TMEM63C: variants seen among roughly 807,000 people sequenced by gnomAD.
The protein encoded by TMEM63C is osmosensitive cation channel TMEM63C.
In TMEM63C, 32 loss-of-function variants were observed where a neutral mutation model predicts 99.2. That is an observed-to-expected ratio of 0.32 (90% CI 0.24 to 0.43). The LOEUF (loss-of-function observed/expected upper bound fraction) is 0.43, where lower values mean the gene tolerates loss of function less well. Ranked by LOEUF, TMEM63C falls within the 20% of genes least tolerant of loss-of-function variation. The probability of loss-of-function intolerance (pLI) is 1.00; values close to 1 mark genes in which losing one functional copy is unlikely to be tolerated. For synonymous variants in TMEM63C, 376 were observed against 397.9 expected (o/e 0.94, Z 0.66); for missense variants, 826 against 1,053.0 (o/e 0.78, Z 2.98).
chr14:77,212,064 T>C (rs926863942), intron 1 of TMEM63C, among the ~76,000 whole-genome samples: 1 of 151,518 alleles, frequency 6.6e-6, no homozygotes, highest in Non-Finnish European at 1.5e-5. Context: ...GAAGGAGGAG[T>C]GTAGGGACTG....
chr14:77,238,589 C>T, intron 9 of TMEM63C, 105 bp from the exon 10 acceptor site: 1 of 878,910 alleles, frequency 1.1e-6, no homozygotes, highest in Non-Finnish European at 1.8e-6. Context: ...GCATCAGCAG[C>T]CTGCTGTGAG....
intron 9 of TMEM63C, among the ~76,000 whole-genome samples, chr14:77,238,490 G>A (rs560940541): frequency 3.9e-5 from 6 of 152,300 alleles, no homozygotes; most frequent in South Asian, 4.1e-4. Flanking sequence ...CAGCTGGGAC[G>A]CTGTGGGCTA....
At chr14:77,210,114 G>T (rs756487279) in intron 1 of TMEM63C, among the ~76,000 whole-genome samples, 1 of 152,166 alleles carries the variant, frequency 6.6e-6, no homozygotes. Context: ...GGATCATCAA[G>T]AACTCCTTCT....
intron 1 of TMEM63C, among the ~76,000 whole-genome samples, chr14:77,197,536 G>C (rs558178641): frequency 1.1e-4 from 16 of 152,348 alleles, no homozygotes; most frequent in African/African-American, 3.1e-4. Context: ...TAGTACCCTA[G>C]GGTGAAGATT....
Position 77,194,543 on chromosome 14 carries a change from TTC to T in TMEM63C, c.-77+12651_-77+12652del, listed in dbSNP as rs1555346141. 8.9e-3 allele frequency among the ~76,000 whole-genome samples: 203 copies of T among 22,854 alleles called. 8 individuals carry two copies. Among genetic ancestry groups the T allele is most frequent in the East Asian group, 0.033 (28 of 854 alleles). The allele number at this position is 22,854 out of a possible 152,430, so 15.0% of individuals were successfully genotyped here. A position where few individuals can be genotyped will look rare whatever the true frequency, so the allele number is the denominator to read the frequency against. On this transcript the variant is annotated intron_variant, in intron 1 of 23. Transcript: ENST00000298351. Reference sequence around the variant, plus strand: ...TTTCTTTCTTTCTTTCTTTCTTTCTTTCTTTCTTTCTCTTTCTTTCTTTCTGT... The same window carrying T: ...TTTCTTTCTTTCTTTCTTTCTTTCTTTTTCTTTCTCTTTCTTTCTTTCTGT...
chr14:77,219,045 A>G, intron 3 of TMEM63C, 82 bp downstream of exon 3: 1 of 1,364,318 alleles, frequency 7.3e-7, no homozygotes, highest in Non-Finnish European at 9.6e-7. Context: ...TGGGGGACCC[A>G]GTTGTCCAAA....
At chr14:77,226,996 G>T (rs1888840722) in intron 6 of TMEM63C, among the ~76,000 whole-genome samples, 1 of 152,150 alleles carries the variant, frequency 6.6e-6, no homozygotes, top group South Asian at 2.1e-4. Context: ...TCAAACTCCT[G>T]ACCTGAGGTG....
At chr14:77,237,711 A>G (rs1437290936) in intron 9 of TMEM63C, among the ~76,000 whole-genome samples, 2 of 152,250 alleles carry the variant, frequency 1.3e-5, no homozygotes, top group African/African-American at 4.8e-5. Context: ...GAGCAGTCGC[A>G]GTATTTGAAG....
chr14:77,252,994 C>T (rs985409323), intron 22 of TMEM63C, among the ~76,000 whole-genome samples: 1 of 152,230 alleles, frequency 6.6e-6, no homozygotes, highest in South Asian at 2.1e-4. Flanking sequence ...GGAGGAAAGA[C>T]GACAGTGCTG....
At chr14:77,219,322 C>T (rs568140879) in intron 3 of TMEM63C, among the ~76,000 whole-genome samples, 176 bp from the exon 4 acceptor site, 6 of 152,288 alleles carry the variant, frequency 3.9e-5, no homozygotes, top group South Asian at 2.1e-4. Context: ...AGCTGCTGGG[C>T]GCTGGCAACC....
intron 4 of TMEM63C, 69 bp downstream of exon 4, chr14:77,219,646 AGCTCT>A: frequency 6.6e-7 from 1 of 1,505,342 alleles, no homozygotes; most frequent in South Asian, 1.1e-5. Flanking sequence ...GCCAGGACGC[AGCTCT>A]GCCCAGCGCC....
At chr14:77,197,783 G>A (rs1888236251) in intron 1 of TMEM63C, among the ~76,000 whole-genome samples, 1 of 152,242 alleles carries the variant, frequency 6.6e-6, no homozygotes, top group African/African-American at 2.4e-5. Context: ...TGAAGGCAGA[G>A]AAGAATATCA....
chr14:77,242,298 T>TGCCCCCCC, intron 13 of TMEM63C, 49 bp from the exon 14 acceptor site: 1 of 1,416,892 alleles, frequency 7.1e-7, no homozygotes, highest in Non-Finnish European at 9.8e-7. Context: ...CCTAAGCCCA[T>TGCCCCCCC]CCCCCCACCC....
chr14:77,204,396 C>T (rs1888360942), intron 1 of TMEM63C, among the ~76,000 whole-genome samples: 1 of 152,232 alleles, frequency 6.6e-6, no homozygotes, highest in Non-Finnish European at 1.5e-5. Context: ...TCACCAGCAG[C>T]TCCCTTTGTC....
intron 1 of TMEM63C, among the ~76,000 whole-genome samples, chr14:77,192,011 AGTT>A (rs1355541381): frequency 6.6e-6 from 1 of 152,190 alleles, no homozygotes; most frequent in Non-Finnish European, 1.5e-5. Flanking sequence ...ATGTATTTAT[AGTT>A]GTTATATCTT....
chr14:77,221,768 G>T (rs1167669245), intron 5 of TMEM63C, among the ~76,000 whole-genome samples: 1 of 149,042 alleles, frequency 6.7e-6, no homozygotes, highest in Non-Finnish European at 1.5e-5. Context: ...GGTCAGCAGT[G>T]GTTCCCCCCA....
chr14:77,217,870 TG>T (rs1888615015), intron 2 of TMEM63C, among the ~76,000 whole-genome samples: 1 of 152,062 alleles, frequency 6.6e-6, no homozygotes, highest in South Asian at 2.1e-4. Context: ...CAGCTATTTG[TG>T]GGGGCAAAAA....
At position 77,258,855 on chromosome 14, in the gene TMEM63C, A is replaced by G. The variant is rs1889526186; in HGVS notation, c.*2129A>G. 1.3e-5 allele frequency: 2 copies of G among 152,268 alleles called. No individual in the cohort carries two copies. The highest frequency in any genetic ancestry group is 4.8e-5 in the African/African-American group (2 of 41,446). 9.4% of individuals were successfully genotyped at this position (152,268 alleles called of 1,614,324 possible). A position where few individuals can be genotyped will look rare whatever the true frequency, so the allele number is the denominator to read the frequency against. ...CATATGGGAAAAGTCCTGGCAGACA[A>G]TGTGGCGGGATGACTGGGGGCTTCT... On this transcript the variant is annotated 3_prime_UTR_variant, in exon 24 of 24. Coordinates refer to ENST00000298351, the MANE Select transcript of TMEM63C (RefSeq NM_020431.4).
At chr14:77,218,241 G>GGGC (rs1555347421) in intron 2 of TMEM63C, among the ~76,000 whole-genome samples, 1 of 100,576 alleles carries the variant, frequency 9.9e-6, no homozygotes, top group Non-Finnish European at 2.4e-5. Context: ...AAAAAAAAAA[G>GGGC]AGGGGGGTGT....
Sources: gnomAD v4.1 joint callset for allele counts (sites outside exome capture counted in the v4.1 genomes callset) on GRCh38, gnomAD v4.1.1 for gene constraint, MANE v1.5 for transcripts, NCBI Gene and HGNC (gene_info 2026-07-23, HGNC 2026-07-21) for gene names.